Variants in EYS observed in about 807,000 individuals in gnomAD.
EYS encodes the protein EGF-like photoreceptor maintenance factor.
Under a neutral mutation model 282.1 loss-of-function variants are expected in EYS, and 250 were observed. That is an observed-to-expected ratio of 0.89 (90% CI 0.80 to 0.98). The LOEUF (loss-of-function observed/expected upper bound fraction) is 0.98. Among genes scored for constraint, EYS ranks in the 50% least tolerant of loss-of-function variants. The pLI, the probability that EYS is intolerant of heterozygous loss-of-function variation, is 0.00. For missense variants in EYS, 4,016 were observed against 3,709.0 expected, an observed-to-expected ratio of 1.08 and a Z score of -2.15; for synonymous variants, 1,355 against 1,282.9, an observed-to-expected ratio of 1.06 and a Z score of -1.20.
At chr6:65,005,712 G>T (rs998969495) in intron 13 of EYS, among the ~76,000 whole-genome samples, 5 of 147,902 alleles carry the variant, frequency 3.4e-5, no homozygotes, top group African/African-American at 1.2e-4. Context: ...ATGTTGATCT[G>T]CCTGGAGCCA....
At position 64,800,550 on chromosome 6, in the gene EYS, T is replaced by A. The variant is rs557155583; in HGVS notation, c.3443+12828A>T. Among the ~76,000 whole-genome samples, 12 of 141,274 alleles carry A rather than the reference T, an allele frequency of 8.5e-5. No individual in the cohort carries two copies. In the South Asian group the frequency reaches 2.7e-3, roughly 32 times the overall value. 92.7% of individuals were successfully genotyped at this position (141,274 alleles called of 152,430 possible). A position where few individuals can be genotyped will look rare whatever the true frequency, so the allele number is the denominator to read the frequency against. ...TATAACCAGAGAGTTTAATCTAATTTTTTTTTCCAAAGGAAGCTTTTTTTT... is the reference window on the plus strand; with the variant it reads ...TATAACCAGAGAGTTTAATCTAATTATTTTTTCCAAAGGAAGCTTTTTTTT... On this transcript the variant is annotated intron_variant, in intron 22 of 42. Coordinates refer to ENST00000503581, the MANE Select transcript of EYS (RefSeq NM_001142800.2).
intron 2 of EYS, among the ~76,000 whole-genome samples, chr6:65,638,272 G>A (rs6915285): frequency 0.82 from 123,953 of 152,036 alleles, 50,644 homozygotes; most frequent in East Asian, 0.85. Flanking sequence ...CTGTTGCTCA[G>A]TAAAGCTCCT....
At chr6:65,314,376 CT>C (rs1769241812) in intron 11 of EYS, among the ~76,000 whole-genome samples, 1 of 144,406 alleles carries the variant, frequency 6.9e-6, no homozygotes, top group Non-Finnish European at 1.5e-5. Context: ...GTTTTCGTTC[CT>C]GCTCTATCAT....
chr6:64,031,886 G>A (rs1483718185), intron 33 of EYS, among the ~76,000 whole-genome samples: 1 of 152,104 alleles, frequency 6.6e-6, no homozygotes, highest in Non-Finnish European at 1.5e-5. Context: ...CCAGATAAGG[G>A]AATAAAAGCA....
chr6:64,100,677 C>G (rs532330243), intron 31 of EYS, among the ~76,000 whole-genome samples: 48 of 152,232 alleles, frequency 3.2e-4, no homozygotes, highest in African/African-American at 1.2e-3. Flanking sequence ...CTGACACTTT[C>G]ATACTGGCAC....
chr6:64,324,313 C>CA (rs1208720565), intron 29 of EYS, among the ~76,000 whole-genome samples: 8 of 152,124 alleles, frequency 5.3e-5, no homozygotes, highest in African/African-American at 1.9e-4. Context: ...TTTTGGGATG[C>CA]AAAGTTGGTT....
intron 5 of EYS, among the ~76,000 whole-genome samples, chr6:65,466,119 G>C (rs1764990268): frequency 6.6e-6 from 1 of 151,992 alleles, no homozygotes; most frequent in Non-Finnish European, 1.5e-5. Flanking sequence ...ATGTATAATA[G>C]TGTAACAAGT....
chr6:65,512,490 C>A (rs1766929203), intron 2 of EYS, among the ~76,000 whole-genome samples: 2 of 53,262 alleles, frequency 3.8e-5, no homozygotes, highest in Admixed American at 2.8e-4. Context: ...GAGACTCTAT[C>A]TCAAAAAAAA....
chr6:65,417,825 C>A (rs968340093), intron 5 of EYS, among the ~76,000 whole-genome samples: 1 of 151,932 alleles, frequency 6.6e-6, no homozygotes, highest in African/African-American at 2.4e-5. Context: ...CTACATTATT[C>A]GTCAGAAACT....
chr6:64,511,206 C>T (rs1582837003), intron 26 of EYS, among the ~76,000 whole-genome samples: 1 of 131,516 alleles, frequency 7.6e-6, no homozygotes, highest in Non-Finnish European at 1.5e-5. Flanking sequence ...AAGAGAAGGC[C>T]ACCACAACTC....
At chr6:64,522,578 G>T (rs569699760) in intron 26 of EYS, among the ~76,000 whole-genome samples, 1 of 151,728 alleles carries the variant, frequency 6.6e-6, no homozygotes, top group South Asian at 2.1e-4. Flanking sequence ...ATAATCCCAA[G>T]GCCTCCTGAA....
At chr6:65,419,068 T>C (rs549025864) in intron 5 of EYS, among the ~76,000 whole-genome samples, 1 of 151,862 alleles carries the variant, frequency 6.6e-6, no homozygotes, top group South Asian at 2.1e-4. Context: ...ATAAACCAGG[T>C]ATATGAAGAG....
At chr6:64,582,009 G>A (rs1766086178) in intron 26 of EYS, among the ~76,000 whole-genome samples, 1 of 152,112 alleles carries the variant, frequency 6.6e-6, no homozygotes, top group African/African-American at 2.4e-5. Flanking sequence ...ACCAAACTGA[G>A]AATTGTCAAA....
intron 31 of EYS, among the ~76,000 whole-genome samples, chr6:64,172,950 G>A (rs558185415): frequency 2.0e-5 from 3 of 152,164 alleles, no homozygotes; most frequent in East Asian, 1.9e-4. Context: ...TGCCTTCCGC[G>A]AAACCGGTCC....
At chr6:64,595,941 G>A (rs1311334782) in intron 24 of EYS, among the ~76,000 whole-genome samples, 1 of 152,128 alleles carries the variant, frequency 6.6e-6, no homozygotes, top group Non-Finnish European at 1.5e-5. Context: ...CAGTTCTGCA[G>A]GCTTTAGAGG....
intron 35 of EYS, among the ~76,000 whole-genome samples, chr6:63,913,545 C>T (rs915996394): frequency 6.6e-6 from 1 of 152,168 alleles, no homozygotes; most frequent in Non-Finnish European, 1.5e-5. Flanking sequence ...TTTTCTGTCT[C>T]TATAGATTTG....
In EYS at chr6:65,442,873, T is replaced by TACATATGTACATATATAC. The variant is rs1554197047; in HGVS notation, c.863-37507_863-37506insGTATATATGTACATATGT. On this transcript the variant is annotated intron_variant, in intron 5 of 42. Transcript: ENST00000503581. ...ATACATATGTACATATATACATACA[T>TACATATGTACATATATAC]ATACACATACATATGTACATATATG... Among the ~76,000 whole-genome samples, 5 of 103,636 alleles carry TACATATGTACATATATAC rather than the reference T, an allele frequency of 4.8e-5. 1 individual carries two copies. The highest frequency in any genetic ancestry group is 3.7e-4 in the East Asian group (1 of 2,696). The allele number at this position is 103,636 out of a possible 152,430, so 68.0% of individuals were successfully genotyped here. A position where few individuals can be genotyped will look rare whatever the true frequency, so the allele number is the denominator to read the frequency against.
intron 22 of EYS, among the ~76,000 whole-genome samples, chr6:64,692,527 C>T (rs1441617628): frequency 1.3e-5 from 2 of 152,028 alleles, no homozygotes; most frequent in Non-Finnish European, 2.9e-5. Context: ...GGAGACTTAG[C>T]CAAAAATTCT....
chr6:64,296,570 A>T (rs1561913629), intron 30 of EYS, among the ~76,000 whole-genome samples: 2 of 6,140 alleles, frequency 3.3e-4, no homozygotes, highest in African/African-American at 2.2e-3. Flanking sequence ...ATATATATAT[A>T]TATATATATA....
Sources: allele counts gnomAD v4.1 joint callset (sites outside exome capture counted in the v4.1 genomes callset), GRCh38; gene constraint gnomAD v4.1.1; transcripts MANE v1.5; gene names NCBI Gene and HGNC (gene_info 2026-07-23, HGNC 2026-07-21).